CLSTN2: variants seen among roughly 807,000 people sequenced by gnomAD.
The protein encoded by CLSTN2 is calsyntenin 2, also known as calsyntenin-2.
Under a neutral mutation model 101.2 loss-of-function variants are expected in CLSTN2, and 48 were observed. The ratio of observed to expected loss-of-function variants is 0.47; its 90% CI spans 0.38 to 0.60. The LOEUF (loss-of-function observed/expected upper bound fraction) is 0.60, where lower values mean the gene tolerates loss of function less well. Ranked by LOEUF, CLSTN2 falls within the 20% of genes least tolerant of loss-of-function variation. The probability of loss-of-function intolerance (pLI) is 0.00; values close to 1 mark genes in which losing one functional copy is unlikely to be tolerated. For missense variants in CLSTN2, 1,160 were observed against 1,238.2 expected, an observed-to-expected ratio of 0.94 and a Z score of 0.95; for synonymous variants, 481 against 463.6, an observed-to-expected ratio of 1.04 and a Z score of -0.48.
chr3:140,202,569 G>A (rs1342325144), intron 2 of CLSTN2, among the ~76,000 whole-genome samples: 1 of 152,196 alleles, frequency 6.6e-6, no homozygotes, highest in Non-Finnish European at 1.5e-5. Context: ...GCTTCCAAGT[G>A]GAGATGTGAA....
At chr3:140,500,204 T>C (rs1405631746) in intron 8 of CLSTN2, among the ~76,000 whole-genome samples, 1 of 152,178 alleles carries the variant, frequency 6.6e-6, no homozygotes, top group Non-Finnish European at 1.5e-5. Context: ...GAAACAAGTA[T>C]CTTTTCTTTT....
chr3:140,116,011 A>G (rs2009235523), intron 1 of CLSTN2, among the ~76,000 whole-genome samples: 3 of 152,196 alleles, frequency 2.0e-5, no homozygotes. Context: ...TTCTGGGTTC[A>G]GTGGACAGAA....
chr3:140,120,113 A>G (rs1017046662), intron 1 of CLSTN2, among the ~76,000 whole-genome samples: 1 of 152,116 alleles, frequency 6.6e-6, no homozygotes, highest in Non-Finnish European at 1.5e-5. Flanking sequence ...CTACCTGTAG[A>G]TAGTATCAAA....
At chr3:140,017,661 G>A (rs1169084547) in intron 1 of CLSTN2, among the ~76,000 whole-genome samples, 1 of 152,222 alleles carries the variant, frequency 6.6e-6, no homozygotes, top group African/African-American at 2.4e-5. Context: ...ATCAGCCTTT[G>A]GATGGTTGGG....
At chr3:140,562,334 C>A (rs974497058) in intron 13 of CLSTN2, 26 bp downstream of exon 13, 9 of 1,595,168 alleles carry the variant, frequency 5.6e-6, no homozygotes, top group Non-Finnish European at 7.7e-6. Context: ...GCCCCCTTTG[C>A]CCCAAGGGTG....
intron 1 of CLSTN2, among the ~76,000 whole-genome samples, chr3:140,089,574 A>G (rs1481495149): frequency 6.7e-6 from 1 of 149,912 alleles, no homozygotes; most frequent in Non-Finnish European, 1.5e-5. Context: ...CTTCCTTTTC[A>G]GCTGGTTTTA....
At chr3:140,035,738 T>C (rs1041125040) in intron 1 of CLSTN2, among the ~76,000 whole-genome samples, 1 of 152,240 alleles carries the variant, frequency 6.6e-6, no homozygotes, top group Admixed American at 6.5e-5. Context: ...TTGTTTAAGC[T>C]ACTTCACTGA....
chr3:140,272,716 C>T (rs373514842), intron 2 of CLSTN2, among the ~76,000 whole-genome samples: 2 of 152,190 alleles, frequency 1.3e-5, no homozygotes, highest in African/African-American at 2.4e-5. Context: ...TGTGCCACTG[C>T]TCTCCAGCGT....
chr3:140,356,688 G>A (rs545523002), intron 2 of CLSTN2, among the ~76,000 whole-genome samples: 9 of 149,938 alleles, frequency 6.0e-5, no homozygotes, highest in Non-Finnish European at 1.2e-4. Context: ...AACCCAGGAA[G>A]CGGAGGTTGC....
intron 1 of CLSTN2, among the ~76,000 whole-genome samples, chr3:140,029,798 T>A (rs1383030185): frequency 6.6e-6 from 1 of 152,198 alleles, no homozygotes; most frequent in Non-Finnish European, 1.5e-5. Context: ...CTGCGATTCC[T>A]CTAGGATTAC....
chr3:139,971,322 A>G (rs915210850), intron 1 of CLSTN2, among the ~76,000 whole-genome samples: 3 of 152,228 alleles, frequency 2.0e-5, no homozygotes, highest in Admixed American at 6.5e-5. Context: ...TCACCAGATA[A>G]TGAAATATCT....
chr3:140,560,887 C>T (rs1410046530), intron 12 of CLSTN2, among the ~76,000 whole-genome samples: 1 of 152,108 alleles, frequency 6.6e-6, no homozygotes, highest in Non-Finnish European at 1.5e-5. Flanking sequence ...ATTATAGACC[C>T]TGTCTTAAGC....
At chr3:140,040,659 G>C (rs2107763563) in intron 1 of CLSTN2, among the ~76,000 whole-genome samples, 1 of 152,182 alleles carries the variant, frequency 6.6e-6, no homozygotes, top group South Asian at 2.1e-4. Context: ...TTGGTGAAAG[G>C]AAAGTCAAGT....
chr3:140,006,683 A>G (rs888541233), intron 1 of CLSTN2, among the ~76,000 whole-genome samples: 17 of 152,216 alleles, frequency 1.1e-4, no homozygotes, highest in Non-Finnish European at 1.5e-4. Context: ...ATTTGCTATG[A>G]CATTTACTTT....
intron 1 of CLSTN2, among the ~76,000 whole-genome samples, chr3:140,021,156 T>C (rs1438060789): frequency 6.6e-6 from 1 of 152,186 alleles, no homozygotes. Context: ...TCTCCGTCCA[T>C]GGGGGAAGCA....
At chr3:140,069,637 T>C (rs2008358173) in intron 1 of CLSTN2, among the ~76,000 whole-genome samples, 1 of 152,232 alleles carries the variant, frequency 6.6e-6, no homozygotes. Flanking sequence ...TGTTGCCCTT[T>C]TACTGTGAGA....
Position 140,566,642 on chromosome 3 carries a change from G to A in CLSTN2, c.*389G>A, listed in dbSNP as rs572153807. 42 of 272,586 alleles carry A rather than the reference G, an allele frequency of 1.5e-4. No individual in the cohort carries two copies. Among genetic ancestry groups the A allele is most frequent in the South Asian group, 7.0e-4 (13 of 18,504 alleles). 16.9% of individuals were successfully genotyped at this position (272,586 alleles called of 1,614,324 possible). A position where few individuals can be genotyped will look rare whatever the true frequency, so the allele number is the denominator to read the frequency against. Reference sequence around the variant, plus strand: ...GCCCTGGGGTTCCAACTCACTGTGCGTCTCCTCCACACAGACCAGTAGGTT... The same window carrying A: ...GCCCTGGGGTTCCAACTCACTGTGCATCTCCTCCACACAGACCAGTAGGTT... On this transcript the variant is annotated 3_prime_UTR_variant, in exon 17 of 17. Coordinates refer to ENST00000458420, the MANE Select transcript of CLSTN2 (RefSeq NM_022131.3).
chr3:140,145,406 C>T (rs1201025327), intron 1 of CLSTN2, among the ~76,000 whole-genome samples: 6 of 152,234 alleles, frequency 3.9e-5, no homozygotes, highest in African/African-American at 7.2e-5. Flanking sequence ...TCAAGCACTC[C>T]GCCCGGCACA....
chr3:140,474,089 T>G (rs941389791), intron 8 of CLSTN2, among the ~76,000 whole-genome samples: 6 of 152,180 alleles, frequency 3.9e-5, no homozygotes, highest in African/African-American at 1.4e-4. Flanking sequence ...TGTGTTGTTT[T>G]AAGCCACAAA....
Sources: gnomAD v4.1 joint callset for allele counts (sites outside exome capture counted in the v4.1 genomes callset) on GRCh38, gnomAD v4.1.1 for gene constraint, MANE v1.5 for transcripts, NCBI Gene and HGNC (gene_info 2026-07-23, HGNC 2026-07-21) for gene names.